Variants in PDE4D observed in about 807,000 individuals in gnomAD.
PDE4D encodes 3',5'-cyclic-AMP phosphodiesterase 4D.
PDE4D carries 24 observed loss-of-function variants against 87.4 expected under a neutral mutation model. The ratio of observed to expected loss-of-function variants is 0.27; its 90% CI spans 0.20 to 0.39. PDE4D has a LOEUF of 0.39. Among genes scored for constraint, PDE4D ranks in the 10% least tolerant of loss-of-function variants. The probability of loss-of-function intolerance (pLI) is 1.00; values close to 1 mark genes in which losing one functional copy is unlikely to be tolerated. For synonymous variants in PDE4D, 384 were observed against 383.2 expected (o/e 1.00, Z -0.02); for missense variants, 714 against 1,041.0 (o/e 0.69, Z 4.32).
At chr5:59,807,307 A>C (rs1238237525) in intron 1 of PDE4D, among the ~76,000 whole-genome samples, 1 of 152,146 alleles carries the variant, frequency 6.6e-6, no homozygotes, top group Non-Finnish European at 1.5e-5. Context: ...AAACCAATGT[A>C]CTTTTAGACC....
chr5:59,228,668 G>A (rs1024003195), intron 1 of PDE4D, among the ~76,000 whole-genome samples: 12 of 151,988 alleles, frequency 7.9e-5, no homozygotes, highest in Non-Finnish European at 1.3e-4. Context: ...GCCCATTCTC[G>A]GCAAGTTCCT....
At chr5:60,331,150 G>T (rs535044764) in intron 1 of PDE4D, among the ~76,000 whole-genome samples, 1 of 152,138 alleles carries the variant, frequency 6.6e-6, no homozygotes, top group Admixed American at 6.6e-5. Context: ...CTGATCACAG[G>T]CAGCATAACA....
intron 1 of PDE4D, among the ~76,000 whole-genome samples, chr5:59,518,100 G>A (rs947957828): frequency 2.0e-5 from 3 of 152,030 alleles, no homozygotes; most frequent in African/African-American, 7.3e-5. Flanking sequence ...AATTGGATGT[G>A]CTGGAATTTG....
Position 59,334,142 on chromosome 5 carries a change from T to A in PDE4D, c.456-118174A>T, listed in dbSNP as rs184888033. On this transcript the variant is annotated intron_variant, in intron 1 of 14. Coordinates refer to ENST00000340635, the MANE Select transcript of PDE4D (RefSeq NM_001104631.2). Reference sequence around the variant, plus strand: ...GTGTTTTTAAATTTAATAGTTTTTTTAAATTGGAGTCTGATAGCCTTTATA... The same window carrying A: ...GTGTTTTTAAATTTAATAGTTTTTTAAAATTGGAGTCTGATAGCCTTTATA... Among the ~76,000 whole-genome samples the A allele has an allele frequency of 1.4e-3, 209 of 152,076 alleles. 5 individuals are homozygous for A. In the East Asian group the frequency reaches 0.016, roughly 12 times the overall value.
rs78214794 is a variant in PDE4D, at chr5:59,924,566, A to G, written c.272+63922T>C. Among the ~76,000 whole-genome samples the G allele has an allele frequency of 4.9e-4, 29 of 59,682 alleles. 1 individual carries two copies. Among genetic ancestry groups the G allele is most frequent in the Admixed American group, 3.8e-3 (19 of 5,022 alleles). The allele number at this position is 59,682 out of a possible 152,430, so 39.2% of individuals were successfully genotyped here. ...TGGTATGACATACACAAAGTGTGGAAAAAAAAAAAAAAAAGATCTCACCTC... is the reference window on the plus strand; with the variant it reads ...TGGTATGACATACACAAAGTGTGGAGAAAAAAAAAAAAAAGATCTCACCTC... On this transcript the variant is annotated intron_variant, in intron 3 of 16. Transcript: ENST00000502484.
intron 2 of PDE4D, among the ~76,000 whole-genome samples, chr5:60,154,367 C>T (rs1376509501): frequency 6.6e-6 from 1 of 152,068 alleles, no homozygotes; most frequent in Non-Finnish European, 1.5e-5. Flanking sequence ...AACTCTGTCT[C>T]CCAGGTTCAA....
intron 1 of PDE4D, among the ~76,000 whole-genome samples, chr5:60,258,783 A>G (rs574276870): frequency 3.9e-5 from 6 of 152,118 alleles, no homozygotes; most frequent in African/African-American, 1.4e-4. Flanking sequence ...TGATTTTAAA[A>G]ATTTTATTGT....
chr5:60,170,535 G>A (rs1282122246), intron 2 of PDE4D, among the ~76,000 whole-genome samples: 2 of 151,914 alleles, frequency 1.3e-5, no homozygotes, highest in Admixed American at 6.6e-5. Context: ...AGGTTGTTAT[G>A]AGTTGCAAAT....
intron 2 of PDE4D, among the ~76,000 whole-genome samples, chr5:60,101,811 T>A (rs938533521): frequency 6.6e-6 from 1 of 152,168 alleles, no homozygotes; most frequent in African/African-American, 2.4e-5. Flanking sequence ...TGTGAATTTA[T>A]GGTGATAGAG....
At chr5:60,009,057 T>C (rs564401040) in intron 2 of PDE4D, among the ~76,000 whole-genome samples, 3 of 152,146 alleles carry the variant, frequency 2.0e-5, no homozygotes, top group African/African-American at 7.2e-5. Context: ...TTCAGCCAAT[T>C]ACTAGAGGTC....
Position 59,359,031 on chromosome 5 carries a change from CT to C in PDE4D, c.456-143064del, listed in dbSNP as rs543194281. ...TACATTTTCACAAATAATTAACTGC[CT>C]TTGCTTACAAATTTACCTTTTTAAA... On this transcript the variant is annotated intron_variant, in intron 1 of 14. Coordinates refer to ENST00000340635, the MANE Select transcript of PDE4D (RefSeq NM_001104631.2). Among the ~76,000 whole-genome samples the C allele has an allele frequency of 1.3e-3, 199 of 152,262 alleles. 1 individual carries two copies. The highest frequency in any genetic ancestry group is 2.1e-3 in the Admixed American group (32 of 15,290).
chr5:60,511,485 A>C (rs1396326433), intron 1 of PDE4D, among the ~76,000 whole-genome samples: 1 of 151,122 alleles, frequency 6.6e-6, no homozygotes, highest in Admixed American at 6.6e-5. Flanking sequence ...TTATTCTATG[A>C]ACAAACTTAG....
intron 1 of PDE4D, among the ~76,000 whole-genome samples, chr5:59,783,244 G>A (rs915075803): frequency 6.6e-6 from 1 of 152,112 alleles, no homozygotes; most frequent in African/African-American, 2.4e-5. Flanking sequence ...CAGTGCCTGG[G>A]CCACACCACC....
chr5:60,260,013 G>A (rs568815793), intron 1 of PDE4D, among the ~76,000 whole-genome samples: 1 of 152,070 alleles, frequency 6.6e-6, no homozygotes, highest in Middle Eastern at 3.4e-3. Flanking sequence ...TTAAAGATCT[G>A]AAGATTTACA....
intron 1 of PDE4D, among the ~76,000 whole-genome samples, chr5:59,536,786 A>T (rs1815349135): frequency 6.6e-6 from 1 of 152,188 alleles, no homozygotes; most frequent in South Asian, 2.1e-4. Flanking sequence ...ACTATAGAAA[A>T]ATATGGCTAA....
chr5:60,337,376 T>TACACACACACACAC (rs1561133934), intron 1 of PDE4D, among the ~76,000 whole-genome samples: 1 of 118,802 alleles, frequency 8.4e-6, no homozygotes, highest in African/African-American at 3.5e-5. Flanking sequence ...TATATATATA[T>TACACACACACACAC]ATATATATAT....
chr5:60,071,174 A>G (rs1398935140), intron 2 of PDE4D, among the ~76,000 whole-genome samples: 1 of 151,090 alleles, frequency 6.6e-6, no homozygotes, highest in East Asian at 1.9e-4. Context: ...TTATTTTTGA[A>G]TTTTCCGTTT....
chr5:59,675,947 C>T (rs532087126), intron 1 of PDE4D, among the ~76,000 whole-genome samples: 37 of 152,216 alleles, frequency 2.4e-4, no homozygotes, highest in Middle Eastern at 3.4e-3. Context: ...CCACCTCAGC[C>T]GCCCAAAGTG....
intron 1 of PDE4D, among the ~76,000 whole-genome samples, chr5:60,409,370 G>T (rs569218095): frequency 6.6e-6 from 1 of 152,260 alleles, no homozygotes; most frequent in East Asian, 1.9e-4. Context: ...AGAGAGATGG[G>T]GAGGGGGCAG....
Sources: allele counts gnomAD v4.1 joint callset (sites outside exome capture counted in the v4.1 genomes callset), GRCh38; gene constraint gnomAD v4.1.1; transcripts MANE v1.5; gene names NCBI Gene and HGNC (gene_info 2026-07-23, HGNC 2026-07-21).